The following PRRC2C variants were observed in gnomAD, a reference collection of about 807,000 sequenced individuals.
The protein encoded by PRRC2C is proline rich coiled-coil 2C, also known as protein PRRC2C.
In PRRC2C, 72 loss-of-function variants were observed where a neutral mutation model predicts 317.2. The observed-to-expected ratio is 0.23, with a 90% CI of 0.19 to 0.28. The LOEUF is 0.28. Ranked by LOEUF, PRRC2C falls within the 10% of genes least tolerant of loss-of-function variation. The probability of loss-of-function intolerance (pLI) is 1.00; values close to 1 mark genes in which losing one functional copy is unlikely to be tolerated. For synonymous variants in PRRC2C, 1,296 were observed against 1,205.9 expected, an observed-to-expected ratio of 1.07 and a Z score of -1.55; for missense variants, 3,074 against 3,459.7, an observed-to-expected ratio of 0.89 and a Z score of 2.80.
At chr1:171,584,681 C>T (rs1304981903) in intron 30 of PRRC2C, 155 bp downstream of exon 30, 2 of 835,322 alleles carry the variant, frequency 2.4e-6, no homozygotes, top group African/African-American at 1.8e-5. Context: ...ACTGGGTCCA[C>T]GTAGAAGGGG....
intron 19 of PRRC2C, 124 bp downstream of exon 19, chr1:171,558,267 T>C (rs978039648): frequency 3.9e-6 from 5 of 1,282,500 alleles, no homozygotes; most frequent in Non-Finnish European, 5.2e-6. Context: ...TAGGAAAAAG[T>C]AATAGTAATC....
At chr1:171,574,857 A>G in intron 24 of PRRC2C, 70 bp from the exon 25 acceptor site, 1 of 1,340,154 alleles carries the variant, frequency 7.5e-7, no homozygotes, top group Non-Finnish European at 1.0e-6. Flanking sequence ...AAATACTGAT[A>G]CATGTATATA....
chr1:171,543,313 A>G (rs993150276), intron 16 of PRRC2C, among the ~76,000 whole-genome samples: 6 of 147,820 alleles, frequency 4.1e-5, no homozygotes, highest in African/African-American at 1.3e-4. Flanking sequence ...ACAGAGCGAG[A>G]CTCCGTCTCA....
At chr1:171,584,785 G>A (rs1649478227) in intron 30 of PRRC2C, among the ~76,000 whole-genome samples, 1 of 151,974 alleles carries the variant, frequency 6.6e-6, no homozygotes, top group Admixed American at 6.6e-5. Flanking sequence ...TGTTGGTTTA[G>A]GGGGTTTTGT....
At chr1:171,571,071 G>A (rs774376918) in intron 23 of PRRC2C, among the ~76,000 whole-genome samples, 4 of 152,098 alleles carry the variant, frequency 2.6e-5, no homozygotes, top group Admixed American at 6.5e-5. Context: ...CCTTATATCT[G>A]GTGCAGACTC....
chr1:171,528,995 C>T (rs1001563813), intron 11 of PRRC2C, among the ~76,000 whole-genome samples: 2 of 152,016 alleles, frequency 1.3e-5, no homozygotes, highest in Non-Finnish European at 2.9e-5. Flanking sequence ...CAGGGTCTCA[C>T]CTTCATGCCC....
chr1:171,569,398 CT>C (rs1168711898), intron 23 of PRRC2C, among the ~76,000 whole-genome samples: 1 of 150,894 alleles, frequency 6.6e-6, no homozygotes. Context: ...TTAGGGGTCA[CT>C]TAATCCAATT....
chr1:171,517,538 T>C, intron 5 of PRRC2C, 53 bp from the exon 6 acceptor site: 8 of 1,539,538 alleles, frequency 5.2e-6, no homozygotes, highest in Non-Finnish European at 7.1e-6. Context: ...GGTTTCACTT[T>C]GTTCCATTTT....
At chr1:171,521,669 C>T (rs1426729706) in intron 6 of PRRC2C, among the ~76,000 whole-genome samples, 1 of 152,140 alleles carries the variant, frequency 6.6e-6, no homozygotes, top group South Asian at 2.1e-4. Flanking sequence ...TGATGTTATC[C>T]TCCTTATCCA....
intron 6 of PRRC2C, among the ~76,000 whole-genome samples, chr1:171,521,930 A>G (rs1275984442): frequency 2.0e-5 from 3 of 152,166 alleles, no homozygotes; most frequent in Admixed American, 2.0e-4. Context: ...AATTTTATTA[A>G]TATAATACAG....
chr1:171,550,172 G>A lies in PRRC2C; in HGVS notation c.5059G>A (p.Val1687Ile). The A allele has an allele frequency of 6.2e-7, 1 of 1,607,238 alleles. No homozygotes were observed. The highest frequency in any genetic ancestry group is 8.5e-7 in the Non-Finnish European group (1 of 1,176,396). The part of the protein sequence containing the change: ...NLNDDGFTEV[V>I]SKKQQKRLQD... ...GAATGATGATGGTTTTACTGAAGTG[G>A]TATCCAAAAAACAACAAAAACGTTT... Residue 1687 changes from valine to isoleucine, a missense_variant, in exon 18 of 35, where the codon GTA becomes ATA. Around this residue, in one of 11 missense-constraint regions of PRRC2C, gnomAD observed 640 missense variants for 676.1 expected, o/e 0.95. Transcript: ENST00000647382.
chr1:171,506,031 G>A (rs1384233865), intron 1 of PRRC2C, among the ~76,000 whole-genome samples: 1 of 152,280 alleles, frequency 6.6e-6, no homozygotes, highest in Admixed American at 6.5e-5. Flanking sequence ...AGTAGGCTAT[G>A]CCATCTACAT....
At chr1:171,561,234 AGCCTGGGCAACATAGTGAGACCC>A (rs2102676940) in intron 20 of PRRC2C, 131 bp downstream of exon 20, 7 of 870,582 alleles carry the variant, frequency 8.0e-6, no homozygotes, top group Middle Eastern at 2.2e-4. Context: ...GTTTGAGACC[AGCCTGGGCAACATAGTGAGACCC>A]GCCTGGGCAA....
intron 30 of PRRC2C, among the ~76,000 whole-genome samples, chr1:171,585,860 T>C (rs924281374): frequency 6.6e-6 from 1 of 152,066 alleles, no homozygotes; most frequent in African/African-American, 2.4e-5. Context: ...GGATTTCAGA[T>C]TGGTTTTTTT....
chr1:171,539,034 T>C (rs1366445793), intron 15 of PRRC2C, among the ~76,000 whole-genome samples: 1 of 146,392 alleles, frequency 6.8e-6, no homozygotes, highest in Non-Finnish European at 1.5e-5. Flanking sequence ...GGAGTTTTGC[T>C]CTTGTTGCCC....
chr1:171,578,451 G>T (rs1647699758), intron 26 of PRRC2C, among the ~76,000 whole-genome samples: 1 of 152,148 alleles, frequency 6.6e-6, no homozygotes, highest in Admixed American at 6.5e-5. Context: ...TACTTGGGAG[G>T]CTGAGGTGAG....
At position 171,540,050 on chromosome 1, in the gene PRRC2C, G is replaced by T. The variant is rs1677680912; in HGVS notation, c.2584G>T (p.Ala862Ser). 1 of 1,613,910 alleles carries T rather than the reference G, an allele frequency of 6.2e-7. No individual in the cohort carries two copies. The highest frequency in any genetic ancestry group is 8.5e-7 in the Non-Finnish European group (1 of 1,179,856). ...EHNQLEAHPKADFIRESSEAQ... is the reference protein window; with the variant it reads ...EHNQLEAHPKSDFIRESSEAQ... ...TAATCAATTAGAGGCTCACCCAAAG[G>T]CAGACTTTATCAGAGAATCAAGTGA... is the stretch of plus-strand genomic sequence containing the variant. Residue 862 changes from alanine to serine, a missense_variant, in exon 16 of 35, where the codon GCA becomes TCA. Ala to Ser is a moderately conservative substitution (Grantham distance 99). Coordinates refer to ENST00000647382, the MANE Select transcript of PRRC2C (RefSeq NM_001387844.1).
intron 17 of PRRC2C, among the ~76,000 whole-genome samples, chr1:171,546,467 A>G (rs948479880): frequency 6.6e-6 from 1 of 152,208 alleles, no homozygotes; most frequent in Non-Finnish European, 1.5e-5. Flanking sequence ...CCTAATTGTT[A>G]TTTGTACATA....
In PRRC2C at chr1:171,577,771, ATTTTTTTTT is replaced by A. The variant is rs1553245738; in HGVS notation, c.7159+150_7159+158del. The A allele has an allele frequency of 4.2e-4, 126 of 299,956 alleles. 5 individuals carry two copies. The highest frequency in any genetic ancestry group is 5.2e-4 in the Non-Finnish European group (99 of 189,890). The allele number at this position is 299,956 out of a possible 1,614,324, so 18.6% of individuals were successfully genotyped here. On this transcript the variant is annotated intron_variant, in intron 26 of 34. Coordinates refer to ENST00000647382, the MANE Select transcript of PRRC2C (RefSeq NM_001387844.1). ...CATTGCTGTAAATATTTAAATTCGC[ATTTTTTTTT>A]TTTTTTTTTTTTTTTGAGATGGTGT...
Sources: gnomAD v4.1 joint callset for allele counts (sites outside exome capture counted in the v4.1 genomes callset) on GRCh38, gnomAD v4.1.1 for gene constraint, gnomAD v4.1.1 regional missense constraint, MANE v1.5 for transcripts, NCBI Gene and HGNC (gene_info 2026-07-23, HGNC 2026-07-21) for gene names.